Variants in NEXN observed in about 807,000 individuals in gnomAD.
NEXN encodes nexilin.
Under a neutral mutation model 92.6 loss-of-function variants are expected in NEXN, and 65 were observed. The ratio of observed to expected loss-of-function variants is 0.70; its 90% CI spans 0.57 to 0.86. The LOEUF is 0.86. Among genes scored for constraint, NEXN ranks in the 40% least tolerant of loss-of-function variants. NEXN has a pLI of 0.00. For synonymous variants in NEXN, 254 were observed against 242.5 expected, an observed-to-expected ratio of 1.05 and a Z score of -0.44; for missense variants, 778 against 771.1, an observed-to-expected ratio of 1.01 and a Z score of -0.11.
chr1:77,942,353 CTTGT>C, intron 12 of NEXN, 104 bp from the exon 13 acceptor site: 5 of 1,369,728 alleles, frequency 3.7e-6, no homozygotes, highest in Non-Finnish European at 5.2e-6. Context: ...AGTAGGCACA[CTTGT>C]ATGTTCTTTA....
chr1:77,940,112 C>T (rs1208053102), intron 11 of NEXN, among the ~76,000 whole-genome samples: 1 of 152,186 alleles, frequency 6.6e-6, no homozygotes, highest in African/African-American at 2.4e-5. Context: ...TCTTTCAAGG[C>T]TCAACTCATT....
chr1:77,941,766 A>T (rs1363593571), intron 11 of NEXN: 4 of 474,034 alleles, frequency 8.4e-6, no homozygotes, highest in Non-Finnish European at 1.5e-5. Flanking sequence ...TTGGTAGGAC[A>T]AACAGGCTAG....
In NEXN at chr1:77,927,598, GTGTC is replaced by G. The variant is rs756627533; in HGVS notation, c.864+710_864+713del. Among the ~76,000 whole-genome samples the G allele has an allele frequency of 8.6e-4, 126 of 145,996 alleles. No homozygotes were observed. In the Middle Eastern group the frequency reaches 0.01, roughly 12 times the overall value. ...TTTGTGTGCATGCCTCTGTGTGTGTGTGTCTGTGTGTGTGTGTGTGTGTGTGTGT... is the reference window on the plus strand; with the variant it reads ...TTTGTGTGCATGCCTCTGTGTGTGTGTGTGTGTGTGTGTGTGTGTGTGTGT... On this transcript the variant is annotated intron_variant, in intron 8 of 12. Transcript: ENST00000334785.
intron 1 of NEXN, among the ~76,000 whole-genome samples, chr1:77,893,142 C>T (rs1424473502): frequency 6.6e-6 from 1 of 152,166 alleles, no homozygotes; most frequent in Non-Finnish European, 1.5e-5. Context: ...GCTGGGATTA[C>T]AGGTGTGAGC....
chr1:77,894,440 T>C (rs1341288258), intron 1 of NEXN, among the ~76,000 whole-genome samples: 1 of 152,168 alleles, frequency 6.6e-6, no homozygotes, highest in Non-Finnish European at 1.5e-5. Context: ...CATTTTTATT[T>C]CATTATTATT....
rs762994761 is a variant in NEXN, at chr1:77,933,345, A to G, written c.1117A>G (p.Lys373Glu). ...TISQEFLTPG[K>E]LEINFEELLK... ...CTCTCAAGAATTTCTTACACCGGGA[A>G]AACTGGAAATTAATTTTGAAGAATT... Residue 373 changes from lysine (K) to glutamate (E), a missense_variant, in exon 10 of 13, where the codon AAA (lysine) becomes GAA (glutamate). Lys to Glu is a moderately conservative substitution (Grantham distance 56). Coordinates refer to ENST00000334785, the MANE Select transcript of NEXN (RefSeq NM_144573.4). 2 of 1,611,110 alleles carry G rather than the reference A, an allele frequency of 1.2e-6. No homozygotes were observed. The highest frequency in any genetic ancestry group is 1.1e-5 in the South Asian group (1 of 90,618).
chr1:77,893,296 C>T (rs1647149517), intron 1 of NEXN, among the ~76,000 whole-genome samples: 1 of 152,002 alleles, frequency 6.6e-6, no homozygotes, highest in Non-Finnish European at 1.5e-5. Context: ...ATGTTTGGAG[C>T]CAGAGATCCA....
intron 9 of NEXN, among the ~76,000 whole-genome samples, chr1:77,930,946 G>A (rs759864315): frequency 2.4e-4 from 37 of 152,162 alleles, no homozygotes; most frequent in Non-Finnish European, 4.3e-4. Context: ...AATGCTTAGC[G>A]TAGCAGACCT....
At chr1:77,909,956 T>G (rs1648431581) in intron 1 of NEXN, among the ~76,000 whole-genome samples, 1 of 152,136 alleles carries the variant, frequency 6.6e-6, no homozygotes, top group African/African-American at 2.4e-5. Context: ...TTAACAAAAT[T>G]TTATCAAATT....
intron 1 of NEXN, among the ~76,000 whole-genome samples, chr1:77,913,117 A>G: frequency 6.6e-6 from 1 of 152,346 alleles, no homozygotes. Flanking sequence ...CAACCCAATT[A>G]AAAAATGGAC....
At chr1:77,896,730 G>A (rs944563465) in intron 1 of NEXN, among the ~76,000 whole-genome samples, 4 of 151,852 alleles carry the variant, frequency 2.6e-5, no homozygotes, top group Middle Eastern at 3.4e-3. Context: ...CTGCACTCCA[G>A]CCTGGGTGAC....
At chr1:77,920,315 G>A (rs1331945602) in intron 5 of NEXN, among the ~76,000 whole-genome samples, 1 of 152,150 alleles carries the variant, frequency 6.6e-6, no homozygotes, top group Non-Finnish European at 1.5e-5. Flanking sequence ...GTATGGCATA[G>A]GTAGTCAAGA....
chr1:77,905,652 C>T (rs1648059544), intron 1 of NEXN, among the ~76,000 whole-genome samples: 1 of 152,156 alleles, frequency 6.6e-6, no homozygotes, highest in South Asian at 2.1e-4. Flanking sequence ...AAAGACCTCA[C>T]CTTCTGGTCG....
intron 1 of NEXN, among the ~76,000 whole-genome samples, chr1:77,910,238 C>T (rs1380006180): frequency 6.6e-6 from 1 of 152,204 alleles, no homozygotes; most frequent in Non-Finnish European, 1.5e-5. Flanking sequence ...CAGTGAAAGA[C>T]TGGACATATT....
At chr1:77,904,236 G>A (rs916006697) in intron 1 of NEXN, among the ~76,000 whole-genome samples, 8 of 151,956 alleles carry the variant, frequency 5.3e-5, no homozygotes, top group South Asian at 2.1e-4. Flanking sequence ...CAAGTGATCC[G>A]CCCGCCTTAG....
At chr1:77,942,236 CCAAAGAT>C in intron 12 of NEXN, 28 bp downstream of exon 12, 1 of 1,602,278 alleles carries the variant, frequency 6.2e-7, no homozygotes, top group Non-Finnish European at 8.5e-7. Context: ...CCTTTATTTT[CCAAAGAT>C]GCCCTCTTAA....
chr1:77,911,163 A>G (rs1380446636), intron 1 of NEXN, among the ~76,000 whole-genome samples: 1 of 152,198 alleles, frequency 6.6e-6, no homozygotes, highest in Non-Finnish European at 1.5e-5. Context: ...TTCTGTATGC[A>G]GGTTGAATAT....
At chr1:77,926,353 G>C in intron 6 of NEXN, 61 bp from the exon 7 acceptor site, 1 of 1,163,416 alleles carries the variant, frequency 8.6e-7, no homozygotes. Context: ...TGGAGGTAAA[G>C]TCCCATGAAA....
chr1:77,911,523 T>C (rs1394258519), intron 1 of NEXN, among the ~76,000 whole-genome samples: 1 of 148,746 alleles, frequency 6.7e-6, no homozygotes, highest in African/African-American at 2.5e-5. Context: ...ACCCAGGAGG[T>C]GGAGGTTGCA....
Sources: allele counts gnomAD v4.1 joint callset (sites outside exome capture counted in the v4.1 genomes callset), GRCh38; gene constraint gnomAD v4.1.1; transcripts MANE v1.5; gene names NCBI Gene and HGNC (gene_info 2026-07-23, HGNC 2026-07-21).